The following TBC1D5 variants were observed in gnomAD, a reference collection of about 807,000 sequenced individuals.
TBC1D5 encodes the protein TBC1 domain family member 5, also known as TBC1 domain family, member 5.
A neutral mutation model predicts 100.3 loss-of-function variants in TBC1D5; 75 were observed. The ratio of observed to expected loss-of-function variants is 0.75; its 90% CI spans 0.62 to 0.91. The LOEUF (loss-of-function observed/expected upper bound fraction) is 0.91, where lower values mean the gene tolerates loss of function less well. Among genes scored for constraint, TBC1D5 ranks in the 40% least tolerant of loss-of-function variants. TBC1D5 has a pLI of 0.00. For synonymous variants in TBC1D5, 323 were observed against 325.6 expected (o/e 0.99, Z 0.09); for missense variants, 910 against 942.4 (o/e 0.97, Z 0.45).
At chr3:17,606,040 T>G (rs892047295) in intron 2 of TBC1D5, among the ~76,000 whole-genome samples, 2 of 152,182 alleles carry the variant, frequency 1.3e-5, no homozygotes, top group African/African-American at 4.8e-5. Flanking sequence ...ATAAAGTAGG[T>G]CTCTCATTTC....
chr3:17,363,543 T>C (rs1320219922), intron 13 of TBC1D5, among the ~76,000 whole-genome samples: 1 of 151,752 alleles, frequency 6.6e-6, no homozygotes, highest in Non-Finnish European at 1.5e-5. Context: ...GCTAATTTTT[T>C]CTTTTTTTTC....
intron 13 of TBC1D5, among the ~76,000 whole-genome samples, chr3:17,341,266 C>T (rs1002318292): frequency 4.0e-5 from 6 of 151,868 alleles, no homozygotes; most frequent in Admixed American, 6.6e-5. Flanking sequence ...GCATGATCTC[C>T]GCTCACTGCA....
At chr3:17,635,973 A>C (rs2063879213) in intron 1 of TBC1D5, among the ~76,000 whole-genome samples, 2 of 152,108 alleles carry the variant, frequency 1.3e-5, no homozygotes, top group African/African-American at 4.8e-5. Flanking sequence ...CAGGCAGATC[A>C]CTTGAGGTCA....
At chr3:17,178,179 C>T (rs2068023744) in intron 19 of TBC1D5, among the ~76,000 whole-genome samples, 2 of 151,342 alleles carry the variant, frequency 1.3e-5, no homozygotes, top group African/African-American at 4.9e-5. Flanking sequence ...CATTCTCCTG[C>T]CTCAGCCTCC....
At position 17,602,561 on chromosome 3, in the gene TBC1D5, ATTTT is replaced by A. The variant is rs33956978; in HGVS notation, c.-36+21284_-36+21287del. Among the ~76,000 whole-genome samples the A allele has an allele frequency of 8.8e-3, 654 of 74,336 alleles. 3 individuals carry two copies. Among genetic ancestry groups the A allele is most frequent in the African/African-American group, 0.032 (567 of 17,564 alleles). The allele number at this position is 74,336 out of a possible 152,430, so 48.8% of individuals were successfully genotyped here. ...TTATGCCATAATACGAGAGAATCAG[ATTTT>A]TTTTTTTTTTTTTTTTTTTTTTTTT... On this transcript the variant is annotated intron_variant, in intron 2 of 21. Transcript: ENST00000253692.
chr3:17,642,550 A>G (rs1172414540), intron 1 of TBC1D5, among the ~76,000 whole-genome samples: 1 of 152,048 alleles, frequency 6.6e-6, no homozygotes, highest in East Asian at 1.9e-4. Flanking sequence ...CTAATCTTCA[A>G]ATTCTTCCAC....
chr3:17,217,681 TTTA>T (rs1413855348), intron 17 of TBC1D5, among the ~76,000 whole-genome samples: 1 of 152,112 alleles, frequency 6.6e-6, no homozygotes, highest in African/African-American at 2.4e-5. Context: ...CAGAGAAATG[TTTA>T]TTCAAATCTT....
At chr3:17,617,914 T>G (rs1475706398) in intron 2 of TBC1D5, among the ~76,000 whole-genome samples, 1 of 152,222 alleles carries the variant, frequency 6.6e-6, no homozygotes, top group Non-Finnish European at 1.5e-5. Context: ...CTCATCAAAG[T>G]CTTCCTCCAT....
intron 2 of TBC1D5, among the ~76,000 whole-genome samples, chr3:17,613,059 C>T (rs545063763): frequency 6.6e-5 from 10 of 152,194 alleles, no homozygotes; most frequent in African/African-American, 1.2e-4. Flanking sequence ...CAACAGACCC[C>T]GGTGTGTGAT....
intron 13 of TBC1D5, among the ~76,000 whole-genome samples, chr3:17,310,986 C>A (rs373567045): frequency 6.6e-6 from 1 of 151,904 alleles, no homozygotes; most frequent in African/African-American, 2.4e-5. Context: ...ATTTCCTGTG[C>A]TATTTTGGGC....
At chr3:17,477,554 C>G (rs1469971441) in intron 3 of TBC1D5, among the ~76,000 whole-genome samples, 2 of 151,936 alleles carry the variant, frequency 1.3e-5, no homozygotes, top group African/African-American at 4.8e-5. Context: ...AAACTTATCT[C>G]TTCTTTTATA....
intron 1 of TBC1D5, chr3:17,702,370 T>C (rs74606135): frequency 1.4e-5 from 2 of 148,010 alleles, no homozygotes; most frequent in Non-Finnish European, 3.0e-5. Flanking sequence ...ATAAATGGTG[T>C]TTTTTCAAAT....
chr3:17,176,702 T>C (rs2125330595), intron 19 of TBC1D5, among the ~76,000 whole-genome samples: 1 of 151,598 alleles, frequency 6.6e-6, no homozygotes, highest in Admixed American at 6.6e-5. Context: ...CTAATGTAGA[T>C]GATGGGTTGA....
At chr3:17,275,848 A>G (rs1464880507) in intron 15 of TBC1D5, among the ~76,000 whole-genome samples, 2 of 152,286 alleles carry the variant, frequency 1.3e-5, no homozygotes, top group East Asian at 3.9e-4. Context: ...AGGTATCTTA[A>G]GAGTCTCAGA....
intron 3 of TBC1D5, among the ~76,000 whole-genome samples, chr3:17,466,498 C>G (rs1361202938): frequency 6.6e-6 from 1 of 152,204 alleles, no homozygotes. Flanking sequence ...TTTAGGCACA[C>G]TTACAATTAT....
chr3:17,216,912 A>T (rs1462514123), intron 17 of TBC1D5, among the ~76,000 whole-genome samples: 1 of 152,164 alleles, frequency 6.6e-6, no homozygotes, highest in Non-Finnish European at 1.5e-5. Flanking sequence ...CTTTTAAAAG[A>T]ATATAATTCA....
At chr3:17,731,654 A>C (rs573450170) in intron 1 of TBC1D5, among the ~76,000 whole-genome samples, 1 of 152,116 alleles carries the variant, frequency 6.6e-6, no homozygotes, top group Non-Finnish European at 1.5e-5. Context: ...ACCTTACAGA[A>C]ACAAAGGCAA....
chr3:17,488,732 A>T (rs907076443), intron 3 of TBC1D5, among the ~76,000 whole-genome samples: 4 of 152,050 alleles, frequency 2.6e-5, no homozygotes, highest in Non-Finnish European at 5.9e-5. Flanking sequence ...ATAACATATG[A>T]TGTTGAGTAT....
intron 1 of TBC1D5, among the ~76,000 whole-genome samples, chr3:17,715,837 T>A (rs1456144037): frequency 1.3e-5 from 2 of 151,750 alleles, no homozygotes; most frequent in African/African-American, 4.8e-5. Context: ...GGTGGGAGGA[T>A]CACGAGGTCA....
Sources: gnomAD v4.1 joint callset for allele counts (sites outside exome capture counted in the v4.1 genomes callset) on GRCh38, gnomAD v4.1.1 for gene constraint, MANE v1.5 for transcripts, NCBI Gene and HGNC (gene_info 2026-07-23, HGNC 2026-07-21) for gene names.